Variants in ACAP2 observed in about 807,000 individuals in gnomAD.
ACAP2 encodes ArfGAP with coiled-coil, ankyrin repeat and PH domains 2.
ACAP2 carries 39 observed loss-of-function variants against 115.8 expected under a neutral mutation model. The ratio of observed to expected loss-of-function variants is 0.34; its 90% confidence interval spans 0.26 to 0.44. The LOEUF (loss-of-function observed/expected upper bound fraction) is 0.44. Ranked by LOEUF, ACAP2 falls within the 20% of genes least tolerant of loss-of-function variation. The pLI is 1.00. For missense variants in ACAP2, 662 were observed against 927.6 expected (o/e 0.71, Z 3.72); for synonymous variants, 289 against 315.8 (o/e 0.92, Z 0.90).
chr3:195,351,935 G>A (rs1259935638), intron 4 of ACAP2, among the ~76,000 whole-genome samples: 1 of 152,178 alleles, frequency 6.6e-6, no homozygotes, highest in Non-Finnish European at 1.5e-5. Context: ...TGGAACCCCT[G>A]CACTCTTGTA....
chr3:195,332,095 C>CTGCACT (rs1385531114), intron 8 of ACAP2, among the ~76,000 whole-genome samples: 1 of 148,416 alleles, frequency 6.7e-6, no homozygotes, highest in Non-Finnish European at 1.5e-5. Flanking sequence ...GATCCCGCCA[C>CTGCACT]TGCACTCCAG....
intron 4 of ACAP2, among the ~76,000 whole-genome samples, chr3:195,358,090 A>G (rs1732107805): frequency 6.6e-6 from 1 of 152,158 alleles, no homozygotes; most frequent in South Asian, 2.1e-4. Flanking sequence ...TTGGGTGGGG[A>G]CACAAAGCCT....
chr3:195,317,359 A>G (rs1362646973), intron 10 of ACAP2, among the ~76,000 whole-genome samples: 1 of 152,228 alleles, frequency 6.6e-6, no homozygotes, highest in Non-Finnish European at 1.5e-5. Flanking sequence ...ATTTTTTTAA[A>G]ATAAAAACAA....
At chr3:195,309,241 A>C (rs1287440746) in intron 10 of ACAP2, among the ~76,000 whole-genome samples, 1 of 152,200 alleles carries the variant, frequency 6.6e-6, no homozygotes, top group African/African-American at 2.4e-5. Flanking sequence ...GTATATCGTG[A>C]ATAAAAGTAT....
intron 22 of ACAP2, chr3:195,285,466 T>A (rs1293342370): frequency 4.4e-6 from 1 of 229,856 alleles, no homozygotes; most frequent in Non-Finnish European, 8.4e-6. Context: ...ATGAAGAATA[T>A]TTTTACCATT....
chr3:195,287,915 C>A (rs1726953349), intron 21 of ACAP2, among the ~76,000 whole-genome samples: 1 of 151,962 alleles, frequency 6.6e-6, no homozygotes, highest in East Asian at 1.9e-4. Context: ...ACCAGCCTGA[C>A]CAACATGGAG....
intron 4 of ACAP2, among the ~76,000 whole-genome samples, chr3:195,367,665 CT>C (rs1016549032): frequency 6.6e-6 from 1 of 152,210 alleles, no homozygotes; most frequent in African/African-American, 2.4e-5. Flanking sequence ...TAGGCCCAGG[CT>C]TTAAGGGACC....
chr3:195,304,944 A>G (rs1281689853), intron 13 of ACAP2, among the ~76,000 whole-genome samples: 1 of 152,216 alleles, frequency 6.6e-6, no homozygotes. Context: ...TGTTTATGGA[A>G]CTAACCCAGG....
intron 4 of ACAP2, among the ~76,000 whole-genome samples, chr3:195,351,962 T>C (rs973690883): frequency 5.9e-5 from 9 of 152,206 alleles, no homozygotes; most frequent in Admixed American, 2.6e-4. Flanking sequence ...TGATGTAAAA[T>C]AGCACAATCC....
chr3:195,297,053 G>A (rs1727700301), intron 16 of ACAP2, 137 bp downstream of exon 16: 1 of 697,544 alleles, frequency 1.4e-6, no homozygotes, highest in Admixed American at 2.4e-5. Context: ...ACCGAAGAAA[G>A]AGATAGCCAA....
chr3:195,325,801 T>C (rs1394921170), intron 9 of ACAP2, among the ~76,000 whole-genome samples: 1 of 152,144 alleles, frequency 6.6e-6, no homozygotes, highest in African/African-American at 2.4e-5. Context: ...CATGAACACA[T>C]CATACTGTAC....
intron 1 of ACAP2, among the ~76,000 whole-genome samples, chr3:195,439,150 T>A: frequency 6.9e-6 from 1 of 144,050 alleles, no homozygotes; most frequent in Non-Finnish European, 1.5e-5. Context: ...AGGATAAAAA[T>A]AAATTATCAG....
chr3:195,347,815 C>A (rs1009677129), intron 4 of ACAP2, among the ~76,000 whole-genome samples: 2 of 152,036 alleles, frequency 1.3e-5, no homozygotes, highest in African/African-American at 4.8e-5. Flanking sequence ...CAAGATTAGC[C>A]TGGGCAACAT....
chr3:195,334,775 T>C (rs1730393764), intron 7 of ACAP2, among the ~76,000 whole-genome samples: 1 of 152,166 alleles, frequency 6.6e-6, no homozygotes, highest in Non-Finnish European at 1.5e-5. Context: ...GTATAACCTT[T>C]GAAATTTGAT....
chr3:195,385,055 G>T (rs992425334), intron 2 of ACAP2, among the ~76,000 whole-genome samples: 3 of 151,840 alleles, frequency 2.0e-5, no homozygotes, highest in South Asian at 4.2e-4. Context: ...TTCTTCTTCT[G>T]TATCACACAT....
intron 15 of ACAP2, 44 bp from the exon 16 acceptor site, chr3:195,297,325 A>T (rs1275744601): frequency 6.5e-7 from 1 of 1,530,944 alleles, no homozygotes; most frequent in Admixed American, 1.9e-5. Context: ...TACATTAAAG[A>T]CCTTAAAATA....
At chr3:195,376,834 T>C (rs1733579665) in intron 4 of ACAP2, among the ~76,000 whole-genome samples, 1 of 152,200 alleles carries the variant, frequency 6.6e-6, no homozygotes, top group Non-Finnish European at 1.5e-5. Flanking sequence ...TTACACAAAC[T>C]GATATACCAA....
At chr3:195,320,519 T>TTAACGATTTTATTCTTCACCTGCTTC (rs1729380374) in intron 10 of ACAP2, among the ~76,000 whole-genome samples, 182 bp downstream of exon 10, 1 of 152,222 alleles carries the variant, frequency 6.6e-6, no homozygotes, top group African/African-American at 2.4e-5. Context: ...GAATTTAGAA[T>TTAACGATTTTATTCTTCACCTGCTTC]TAACGATTTT....
In ACAP2 at chr3:195,278,953, G is replaced by A. The variant is rs1447003676; in HGVS notation, c.*375C>T. ...GTTGGCTTCCACTTGATGAAGACAT[G>A]CTTGACTGAGTGATCCTGGGCAAGA... is the stretch of plus-strand genomic sequence containing the variant. On this transcript the variant is annotated 3_prime_UTR_variant, in exon 23 of 23. Coordinates refer to ENST00000326793, the MANE Select transcript of ACAP2 (RefSeq NM_012287.6). 1 of 160,944 alleles carries A rather than the reference G, an allele frequency of 6.2e-6. No individual in the cohort carries two copies. Among genetic ancestry groups the A allele is most frequent in the East Asian group, 1.8e-4 (1 of 5,462 alleles). 10.0% of individuals were successfully genotyped at this position (160,944 alleles called of 1,614,324 possible). A position where few individuals can be genotyped will look rare whatever the true frequency, so the allele number is the denominator to read the frequency against.
Sources: allele counts gnomAD v4.1 joint callset (sites outside exome capture counted in the v4.1 genomes callset), GRCh38; gene constraint gnomAD v4.1.1; transcripts MANE v1.5; gene names NCBI Gene and HGNC (gene_info 2026-07-23, HGNC 2026-07-21).